The following SYN2 variants were observed in gnomAD, a reference collection of about 807,000 sequenced individuals.
SYN2 encodes synapsin II, also known as synapsin-2.
In SYN2, 19 loss-of-function variants were observed where a neutral mutation model predicts 50.9. The observed-to-expected ratio is 0.37, with a 90% confidence interval of 0.26 to 0.55. The LOEUF (loss-of-function observed/expected upper bound fraction) is 0.55, where lower values mean the gene tolerates loss of function less well. Ranked by LOEUF, SYN2 falls within the 20% of genes least tolerant of loss-of-function variation. The pLI, the probability that SYN2 is intolerant of heterozygous loss-of-function variation, is 0.81. For synonymous variants in SYN2, 255 were observed against 224.9 expected, an observed-to-expected ratio of 1.13 and a Z score of -1.20; for missense variants, 587 against 576.4, an observed-to-expected ratio of 1.02 and a Z score of -0.19.
rs1014379852 is a variant in SYN2 at position 12,151,444 on chromosome 3, G to T, written c.774+118G>T. On this transcript the variant is annotated intron_variant, in intron 5 of 12. Coordinates refer to ENST00000621198, the MANE Select transcript of SYN2 (RefSeq NM_133625.6). ...ATCTCAACCCCAAAGACTCCACTGG[G>T]GTTGAACTATAGAGCTTATGCGGCT... The T allele has an allele frequency of 4.0e-6, 3 of 758,806 alleles. No homozygotes were observed. The African/African-American group carries it at 5.2e-5, about 13-fold the overall frequency. 47.0% of individuals were successfully genotyped at this position (758,806 alleles called of 1,614,324 possible).
intron 1 of SYN2, among the ~76,000 whole-genome samples, chr3:12,009,402 T>A (rs979346910): frequency 7.9e-5 from 12 of 152,260 alleles, no homozygotes; most frequent in African/African-American, 2.9e-4. Context: ...AACTTTTATA[T>A]TTTTCCATCC....
At chr3:12,019,863 G>A (rs1023093202) in intron 1 of SYN2, among the ~76,000 whole-genome samples, 1 of 152,162 alleles carries the variant, frequency 6.6e-6, no homozygotes, top group African/African-American at 2.4e-5. Flanking sequence ...AAATAAAGCT[G>A]TGTCTAAAAT....
intron 12 of SYN2, 50 bp from the exon 13 acceptor site, chr3:12,190,440 C>A (rs1698424059): frequency 6.2e-7 from 1 of 1,601,662 alleles, no homozygotes; most frequent in African/African-American, 1.3e-5. Context: ...CCTTCCCTGC[C>A]TTGCTGGGAA....
At chr3:12,105,923 C>G (rs1696177758) in intron 1 of SYN2, among the ~76,000 whole-genome samples, 1 of 152,120 alleles carries the variant, frequency 6.6e-6, no homozygotes, top group African/African-American at 2.4e-5. Flanking sequence ...TATTAGTTTT[C>G]TATTGCTACA....
At chr3:12,141,308 A>G (rs1697013136) in intron 2 of SYN2, among the ~76,000 whole-genome samples, 1 of 151,926 alleles carries the variant, frequency 6.6e-6, no homozygotes, top group Non-Finnish European at 1.5e-5. Flanking sequence ...TGTATTTCCT[A>G]TGTGATAAAA....
At chr3:12,042,693 T>G (rs1694644671) in intron 1 of SYN2, among the ~76,000 whole-genome samples, 2 of 152,194 alleles carry the variant, frequency 1.3e-5, no homozygotes, top group Admixed American at 1.3e-4. Context: ...TCTTTGCAGC[T>G]AAGGATCTTG....
chr3:12,080,976 G>GA (rs1054736897), intron 1 of SYN2, among the ~76,000 whole-genome samples: 14 of 152,160 alleles, frequency 9.2e-5, no homozygotes, highest in African/African-American at 2.4e-4. Context: ...TGATAGTTCA[G>GA]AAAAAAATAT....
At chr3:12,033,823 C>T (rs2125144160) in intron 1 of SYN2, among the ~76,000 whole-genome samples, 1 of 152,272 alleles carries the variant, frequency 6.6e-6, no homozygotes, top group South Asian at 2.1e-4. Context: ...AGGATTCATC[C>T]ACATTGTATC....
intron 1 of SYN2, among the ~76,000 whole-genome samples, chr3:12,073,485 A>C (rs1214568466): frequency 6.6e-6 from 1 of 152,148 alleles, no homozygotes; most frequent in Admixed American, 6.5e-5. Flanking sequence ...CACTCCCTCC[A>C]TTCTCCAGTA....
Position 12,049,543 on chromosome 3 carries a change from A to AAAAAATT in SYN2, c.377+44620_377+44621insTTAAAAA, listed in dbSNP as rs1192621380. Among the ~76,000 whole-genome samples, 10 of 151,328 alleles carry AAAAAATT rather than the reference A, an allele frequency of 6.6e-5. No homozygotes were observed. In the East Asian group the frequency reaches 1.9e-3, roughly 29 times the overall value. On this transcript the variant is annotated intron_variant, in intron 1 of 12. Transcript: ENST00000621198. The stretch of plus-strand genomic sequence containing the variant: ...CAAAAAAAAAAAAATAATAAAAAAT[A>AAAAAATT]AAAAAACTGAAAGATGAGGGAACTG...
At chr3:12,161,747 C>CATG (rs2125236356) in intron 6 of SYN2, 139 bp downstream of exon 6, 1 of 1,115,382 alleles carries the variant, frequency 9.0e-7, no homozygotes, top group African/African-American at 1.5e-5. Context: ...CCTCTAAAGC[C>CATG]ATGAGTGTCA....
intron 1 of SYN2, chr3:12,071,512 T>C (rs1373761544): frequency 5.1e-6 from 2 of 392,956 alleles, no homozygotes; most frequent in South Asian, 2.0e-5. Context: ...GTATCTGATA[T>C]CAGCACTTGA....
chr3:12,186,969 C>T (rs1018115529), intron 11 of SYN2, among the ~76,000 whole-genome samples: 3 of 152,232 alleles, frequency 2.0e-5, no homozygotes, highest in African/African-American at 4.8e-5. Flanking sequence ...CCACCACACT[C>T]TCCTGCATCT....
chr3:12,085,352 TACAC>T lies in SYN2; in HGVS notation c.378-55274_378-55271del, dbSNP rs55795895. 7.4e-3 allele frequency among the ~76,000 whole-genome samples: 1,101 copies of T among 149,230 alleles called. 9 individuals are homozygous for T. The highest frequency in any genetic ancestry group is 0.02 in the African/African-American group (833 of 40,914). ...ATATATATATATGATTGTTATGGAA[TACAC>T]ACACACACACACACACACACACACG... On this transcript the variant is annotated intron_variant, in intron 1 of 12. Transcript: ENST00000621198.
chr3:12,154,512 C>A, intron 5 of SYN2: 2 of 1,587,510 alleles, frequency 1.3e-6, no homozygotes, highest in East Asian at 4.5e-5. Context: ...CCCCAGGGGC[C>A]CAGGTCCTTG....
chr3:12,057,287 C>CTGTGTGTGTGTGTG (rs59286785), intron 1 of SYN2, among the ~76,000 whole-genome samples: 3,046 of 133,896 alleles, frequency 0.023, 154 homozygotes, highest in African/African-American at 0.076. Flanking sequence ...GCAAGACTGT[C>CTGTGTGTGTGTGTG]TGTGTGTGTG....
intron 4 of SYN2, among the ~76,000 whole-genome samples, chr3:12,150,051 G>A (rs546563584): frequency 1.3e-5 from 2 of 152,308 alleles, no homozygotes; most frequent in East Asian, 3.9e-4. Context: ...CCAGTTCCGA[G>A]CTTTTACTGC....
chr3:12,038,297 TATC>T (rs1694543808), intron 1 of SYN2, among the ~76,000 whole-genome samples: 1 of 152,216 alleles, frequency 6.6e-6, no homozygotes, highest in African/African-American at 2.4e-5. Context: ...CTTATATCAA[TATC>T]ATATTATCTT....
chr3:12,081,217 A>T (rs1198857413), intron 1 of SYN2, among the ~76,000 whole-genome samples: 1 of 152,200 alleles, frequency 6.6e-6, no homozygotes, highest in East Asian at 1.9e-4. Context: ...TTATGCATGC[A>T]CTATTGCTTT....
Sources: gnomAD v4.1 joint callset for allele counts (sites outside exome capture counted in the v4.1 genomes callset) on GRCh38, gnomAD v4.1.1 for gene constraint, MANE v1.5 for transcripts, NCBI Gene and HGNC (gene_info 2026-07-23, HGNC 2026-07-21) for gene names.